AOX1: variants seen among roughly 807,000 people sequenced by gnomAD.
The protein encoded by AOX1 is aldehyde oxidase 1.
In AOX1, 153 loss-of-function variants were observed where a neutral mutation model predicts 169.5. The observed-to-expected ratio is 0.90, with a 90% CI of 0.79 to 1.03. The LOEUF is 1.03. Among genes scored for constraint, AOX1 ranks in the 50% least tolerant of loss-of-function variants. The probability of loss-of-function intolerance (pLI) is 0.00; values close to 1 mark genes in which losing one functional copy is unlikely to be tolerated. For missense variants in AOX1, 1,656 were observed against 1,663.9 expected (o/e 1.00, Z 0.08); for synonymous variants, 562 against 581.9 (o/e 0.97, Z 0.49).
intron 26 of AOX1, among the ~76,000 whole-genome samples, chr2:200,652,630 C>G (rs2035602148): frequency 6.6e-6 from 1 of 152,144 alleles, no homozygotes; most frequent in South Asian, 2.1e-4. Context: ...TTCATGGATC[C>G]TCTGGAAATC....
At chr2:200,680,871 T>G (rs2105785212), downstream of AOX1, among the ~76,000 whole-genome samples, 1 of 152,260 alleles carries the variant, frequency 6.6e-6, no homozygotes, top group East Asian at 1.9e-4. Context: ...TATAAGATTT[T>G]TAAACTTACA....
At chr2:200,661,405 T>A (rs1574961378) in intron 29 of AOX1, among the ~76,000 whole-genome samples, 174 bp from the exon 30 acceptor site, 2 of 152,326 alleles carry the variant, frequency 1.3e-5, no homozygotes, top group South Asian at 2.1e-4. Context: ...AACAAACAGC[T>A]ACAAGCCGTG....
In AOX1 at chr2:200,615,421, G is replaced by A. The variant is rs534463725; in HGVS notation, c.1612-550G>A. Among the ~76,000 whole-genome samples, 10 of 152,296 alleles carry A rather than the reference G, an allele frequency of 6.6e-5. No individual in the cohort carries two copies. In the South Asian group the frequency reaches 2.1e-3, roughly 32 times the overall value. ...TGTGCAATGTTCAGTCTTGTGTAAA[G>A]AACCAAATGACTCACTTCCCTCAGT... On this transcript the variant is annotated intron_variant, in intron 15 of 34. Coordinates refer to ENST00000374700, the MANE Select transcript of AOX1 (RefSeq NM_001159.4).
In AOX1 at chr2:200,659,892, T is replaced by C. The variant is rs1307435410; in HGVS notation, c.3301-103T>C. Reference sequence around the variant, plus strand: ...AGGGTTGGTGTCTTATTTTTCCATGTTCCCTCTTAGATAAGCCTATGGAAT... The same window carrying C: ...AGGGTTGGTGTCTTATTTTTCCATGCTCCCTCTTAGATAAGCCTATGGAAT... On this transcript the variant is annotated intron_variant, in intron 28 of 34. Transcript: ENST00000374700. The C allele has an allele frequency of 2.6e-5, 23 of 887,930 alleles. No individual in the cohort carries two copies. In the Admixed American group the frequency reaches 5.4e-4, roughly 21 times the overall value. 55.0% of individuals were successfully genotyped at this position (887,930 alleles called of 1,614,324 possible). A position where few individuals can be genotyped will look rare whatever the true frequency, so the allele number is the denominator to read the frequency against.
At chr2:200,673,358 G>A (rs2540064), downstream of AOX1, among the ~76,000 whole-genome samples, 57,968 of 151,986 alleles carry the variant, frequency 0.38, 11,597 homozygotes, top group Middle Eastern at 0.47. Flanking sequence ...CTCCTTTTCT[G>A]TACAGCCATC....
In AOX1 at chr2:200,608,023, G is replaced by A. The variant is rs146675789; in HGVS notation, c.908-961G>A. ...AGGACAAATACCTAATGCATGCAAG[G>A]CTTAAAACCTAGATGACAGGTTGAT... is the stretch of plus-strand genomic sequence containing the variant. On this transcript the variant is annotated intron_variant, in intron 10 of 34. Coordinates refer to ENST00000374700, the MANE Select transcript of AOX1 (RefSeq NM_001159.4). Among the ~76,000 whole-genome samples the A allele has an allele frequency of 6.7e-3, 1,016 of 152,208 alleles. 8 individuals are homozygous for A. The highest frequency in any genetic ancestry group is 0.012 in the Non-Finnish European group (812 of 68,004).
intron 19 of AOX1, among the ~76,000 whole-genome samples, chr2:200,624,279 C>A (rs1383531090): frequency 6.6e-6 from 1 of 152,160 alleles, no homozygotes; most frequent in Non-Finnish European, 1.5e-5. Context: ...CCTATTGCCC[C>A]AGCATTCTAA....
chr2:200,657,011 G>A, intron 27 of AOX1, 74 bp downstream of exon 27: 1 of 988,298 alleles, frequency 1.0e-6, no homozygotes, highest in Admixed American at 2.9e-5. Context: ...ACTATGAATG[G>A]ATATTTTCTG....
intron 7 of AOX1, 84 bp from the exon 8 acceptor site, chr2:200,603,933 G>A: frequency 2.2e-6 from 2 of 920,720 alleles, no homozygotes; most frequent in South Asian, 2.8e-5. Flanking sequence ...GTATCTGACT[G>A]TGTATCTATA....
At chr2:200,607,769 A>G (rs993377083) in intron 10 of AOX1, among the ~76,000 whole-genome samples, 3 of 152,238 alleles carry the variant, frequency 2.0e-5, no homozygotes, top group Non-Finnish European at 4.4e-5. Flanking sequence ...GATACACACC[A>G]TGGAATACTA....
intron 10 of AOX1, among the ~76,000 whole-genome samples, chr2:200,606,343 A>T (rs551088396): frequency 1.3e-5 from 2 of 152,152 alleles, no homozygotes; most frequent in Non-Finnish European, 2.9e-5. Context: ...ACTGGTCTAT[A>T]TATCTGTTTT....
rs1054560327 is a variant in AOX1 at position 200,642,637 on chromosome 2, G to C, written c.2683G>C (p.Asp895His). 1.9e-6 allele frequency: 3 copies of C among 1,614,064 alleles called. No individual in the cohort carries two copies. The highest frequency in any genetic ancestry group is 2.5e-6 in the Non-Finnish European group (3 of 1,179,978). The part of the protein sequence containing the change: ...FVIEMGLLKM[D>H]NAYKFPNLRC... ...GATAGAAATGGGACTTCTGAAAATGGACAATGCTTACAAGTTTCCCAATCT... is the reference window on the plus strand; with the variant it reads ...GATAGAAATGGGACTTCTGAAAATGCACAATGCTTACAAGTTTCCCAATCT... Residue 895 changes from aspartate to histidine, a missense_variant, in exon 25 of 35, where the codon GAC becomes CAC. Coordinates refer to ENST00000374700, the MANE Select transcript of AOX1 (RefSeq NM_001159.4).
At chr2:200,640,053 A>G (rs113306117) in intron 23 of AOX1, among the ~76,000 whole-genome samples, 17,534 of 150,398 alleles carry the variant, frequency 0.12, 1,212 homozygotes, top group Non-Finnish European at 0.16. Flanking sequence ...AAAAAAAAAA[A>G]AGAATGGATA....
At position 200,659,286 on chromosome 2, in the gene AOX1, C is replaced by T. The variant is rs1437063087; in HGVS notation, c.3293C>T (p.Ala1098Val). 2 of 1,612,858 alleles carry T rather than the reference C, an allele frequency of 1.2e-6. No individual in the cohort carries two copies. The highest frequency in any genetic ancestry group is 8.5e-7 in the Non-Finnish European group (1 of 1,179,392). ...GTGGTGGCAGATCTCAACGGTTTGG[C>T]AGTAAAGGTAACAGTCACTGCAGTG... The part of the protein sequence containing the change: ...GSVVADLNGL[A>V]VKDACQTLLK... Residue 1098 changes from alanine to valine, a missense_variant, in exon 28 of 35, where the codon GCA (alanine) becomes GTA (valine). Ala to Val is a moderately conservative substitution (Grantham distance 64, BLOSUM62 0). Transcript: ENST00000374700.
intron 20 of AOX1, among the ~76,000 whole-genome samples, chr2:200,633,485 G>C (rs866518829): frequency 6.6e-6 from 1 of 151,662 alleles, no homozygotes. Context: ...TTCTGTTGCT[G>C]AGCCCATCCC....
At chr2:200,645,668 T>G (rs762348705) in intron 25 of AOX1, among the ~76,000 whole-genome samples, 9 of 152,198 alleles carry the variant, frequency 5.9e-5, no homozygotes, top group Non-Finnish European at 1.2e-4. Context: ...TTTGAATGTC[T>G]GGTGGAATTC....
chr2:200,670,087 C>T (rs2035998426), intron 34 of AOX1, among the ~76,000 whole-genome samples: 1 of 152,100 alleles, frequency 6.6e-6, no homozygotes, highest in African/African-American at 2.4e-5. Context: ...CTAGGACACC[C>T]AGTCCAGGAA....
intron 3 of AOX1, among the ~76,000 whole-genome samples, chr2:200,596,330 G>A (rs1040877961): frequency 2.0e-5 from 3 of 152,138 alleles, no homozygotes; most frequent in South Asian, 2.1e-4. Context: ...GAGATCTGTC[G>A]CAGCCATGTT....
chr2:200,671,938 A>G (rs1374047671), downstream of AOX1, among the ~76,000 whole-genome samples: 1 of 152,258 alleles, frequency 6.6e-6, no homozygotes, highest in Admixed American at 6.5e-5. Flanking sequence ...AAAATGTGGT[A>G]TATCCACACA....
Sources: gnomAD v4.1 joint callset for allele counts (sites outside exome capture counted in the v4.1 genomes callset) on GRCh38, gnomAD v4.1.1 for gene constraint, MANE v1.5 for transcripts, NCBI Gene and HGNC (gene_info 2026-07-23, HGNC 2026-07-21) for gene names.